EP300: variants seen among roughly 807,000 people sequenced by gnomAD.
EP300 encodes the protein EP300 lysine acetyltransferase.
Under a neutral mutation model 264.0 loss-of-function variants are expected in EP300, and 31 were observed. The observed-to-expected ratio is 0.12, with a 90% CI of 0.09 to 0.16. EP300 has a LOEUF of 0.16. Ranked by LOEUF, EP300 falls within the 10% of genes least tolerant of loss-of-function variation. The pLI, the probability that EP300 is intolerant of heterozygous loss-of-function variation, is 1.00. For synonymous variants in EP300, 1,340 were observed against 1,045.4 expected (o/e 1.28, Z -5.44); for missense variants, 2,766 against 3,052.9 (o/e 0.91, Z 2.21).
chr22:41,118,536 G>A (rs868683739), intron 2 of EP300, among the ~76,000 whole-genome samples: 5 of 152,182 alleles, frequency 3.3e-5, no homozygotes, highest in East Asian at 1.9e-4. Context: ...CATGTAGTTC[G>A]TTTTTGTTGA....
At chr22:41,149,299 A>G in intron 13 of EP300, 124 bp downstream of exon 13, 5 of 1,140,354 alleles carry the variant, frequency 4.4e-6, no homozygotes, top group South Asian at 2.6e-5. Flanking sequence ...AAAAAATAAC[A>G]ATTTTGGACT....
chr22:41,145,826 C>T (rs943220508), intron 10 of EP300, among the ~76,000 whole-genome samples: 2 of 151,592 alleles, frequency 1.3e-5, no homozygotes, highest in Non-Finnish European at 2.9e-5. Flanking sequence ...TTAGTAGAGA[C>T]GGGTTTCACC....
intron 2 of EP300, among the ~76,000 whole-genome samples, chr22:41,124,818 T>G (rs764832235): frequency 6.6e-6 from 1 of 151,866 alleles, no homozygotes; most frequent in Non-Finnish European, 1.5e-5. Flanking sequence ...AAAACATCTT[T>G]ATTTCAAATA....
intron 1 of EP300, among the ~76,000 whole-genome samples, chr22:41,108,855 T>A (rs1484323001): frequency 6.6e-6 from 1 of 152,228 alleles, no homozygotes; most frequent in African/African-American, 2.4e-5. Flanking sequence ...TACTGTTTTT[T>A]AATATTTGCC....
At chr22:41,129,848 A>G (rs2145713233) in intron 4 of EP300, 42 bp from the exon 5 acceptor site, 1 of 1,510,352 alleles carries the variant, frequency 6.6e-7, no homozygotes, top group Non-Finnish European at 9.2e-7. Context: ...TAATGTAAAA[A>G]CATTAACCTG....
chr22:41,143,721 A>G (rs1167308330), intron 10 of EP300, among the ~76,000 whole-genome samples: 1 of 152,036 alleles, frequency 6.6e-6, no homozygotes. Flanking sequence ...AATTACAGGC[A>G]TGCATCACCA....
rs549602394 is a variant in EP300, at chr22:41,122,290, C to T, written c.730-3574C>T. Among the ~76,000 whole-genome samples, 7 of 151,604 alleles carry T rather than the reference C, an allele frequency of 4.6e-5. No individual in the cohort carries two copies. In the East Asian group the frequency reaches 1.4e-3, roughly 29 times the overall value. ...AAGTGATTCTCCTGCCTCAGTCTCC[C>T]GAGTAGGTGGGATTGCAGGTGTGTG... On this transcript the variant is annotated intron_variant, in intron 2 of 30. Coordinates refer to ENST00000263253, the MANE Select transcript of EP300 (RefSeq NM_001429.4).
rs764929476 is a variant in EP300, at chr22:41,166,634, G to A, written c.3842G>A (p.Arg1281Gln). 9 of 1,612,332 alleles carry A rather than the reference G, an allele frequency of 5.6e-6. No homozygotes were observed. Among genetic ancestry groups the A allele is most frequent in the South Asian group, 2.2e-5 (2 of 90,564 alleles). Residue 1281 changes from arginine (R) to glutamine (Q), a missense_variant, in exon 23 of 31, where the codon CGA becomes CAA. Arg to Gln is a conservative substitution (Grantham distance 43). Coordinates refer to ENST00000263253, the MANE Select transcript of EP300 (RefSeq NM_001429.4). ...GATGGCTGTTTAAAGAAAAGTGCAC[G>A]AACTAGGAAAGAAAATAAGTTTTCT... ...VCDGCLKKSA[R>Q]TRKENKFSAK...
chr22:41,158,655 T>C (rs932864341), intron 19 of EP300, 155 bp downstream of exon 19: 4 of 660,370 alleles, frequency 6.1e-6, no homozygotes, highest in Non-Finnish European at 1.1e-5. Flanking sequence ...TGCCTTTGTT[T>C]GCAGAACAAT....
At chr22:41,167,578 G>GTATA (rs2059142725) in intron 23 of EP300, among the ~76,000 whole-genome samples, 2 of 27,674 alleles carry the variant, frequency 7.2e-5, no homozygotes, top group African/African-American at 3.0e-4. Context: ...GTGTGTGTGT[G>GTATA]TGTGTGTATA....
chr22:41,175,589 A>G (rs1374602515), intron 29 of EP300, among the ~76,000 whole-genome samples: 1 of 152,222 alleles, frequency 6.6e-6, no homozygotes, highest in Admixed American at 6.5e-5. Flanking sequence ...GAAAAGTTAC[A>G]CAGGAAAGTT....
intron 27 of EP300, 95 bp from the exon 28 acceptor site, chr22:41,172,404 A>G (rs1468603365): frequency 2.6e-6 from 3 of 1,153,234 alleles, no homozygotes; most frequent in Non-Finnish European, 3.8e-6. Flanking sequence ...AAGACATTTT[A>G]AGCTTTCATG....
chr22:41,172,427 CATG>C, intron 27 of EP300, 69 bp from the exon 28 acceptor site: 1 of 1,328,484 alleles, frequency 7.5e-7, no homozygotes, highest in Non-Finnish European at 1.1e-6. Context: ...TCTTGTCAGC[CATG>C]ATTATTCTGT....
chr22:41,146,870 GATA>G, intron 11 of EP300, 54 bp downstream of exon 11: 2 of 1,469,966 alleles, frequency 1.4e-6, no homozygotes, highest in Non-Finnish European at 1.9e-6. Context: ...TGTACTGCAA[GATA>G]ATACTTGCTA....
At position 41,177,845 on chromosome 22, in the gene EP300, C is replaced by G; in HGVS notation, c.6134C>G (p.Thr2045Ser). The part of the protein sequence containing the change: ...QVGISPLKPG[T>S]VSQQALQNLL... The stretch of plus-strand genomic sequence containing the variant: ...GGTATCAGCCCACTCAAACCAGGCA[C>G]TGTGTCTCAACAAGCCTTACAAAAC... Residue 2045 changes from threonine (T) to serine (S), a missense_variant, in exon 31 of 31, where the codon ACT (threonine) becomes AGT (serine). Transcript: ENST00000263253. The G allele has an allele frequency of 1.2e-6, 2 of 1,614,154 alleles. No homozygotes were observed. Among genetic ancestry groups the G allele is most frequent in the Non-Finnish European group, 1.7e-6 (2 of 1,180,030 alleles).
intron 2 of EP300, among the ~76,000 whole-genome samples, chr22:41,118,454 C>A (rs1471375099): frequency 6.6e-6 from 1 of 152,142 alleles, no homozygotes; most frequent in Non-Finnish European, 1.5e-5. Context: ...GTGCTTATTT[C>A]TTCATATTTT....
At chr22:41,158,534 T>C in intron 19 of EP300, 34 bp downstream of exon 19, 1 of 1,533,872 alleles carries the variant, frequency 6.5e-7, no homozygotes, top group Non-Finnish European at 9.0e-7. Flanking sequence ...ATGGTCCATG[T>C]GTCCACATGT....
chr22:41,141,575 G>A (rs954354895), intron 10 of EP300, among the ~76,000 whole-genome samples: 2 of 152,128 alleles, frequency 1.3e-5, no homozygotes, highest in African/African-American at 4.8e-5. Context: ...TTTGTAGGCT[G>A]ACCAGGTTCA....
intron 8 of EP300, among the ~76,000 whole-genome samples, chr22:41,139,371 A>G (rs1239683953): frequency 6.6e-5 from 10 of 152,230 alleles, no homozygotes; most frequent in Admixed American, 6.5e-4. Context: ...GTGACAGACT[A>G]TTCAGGAACT....
Sources: allele counts gnomAD v4.1 joint callset (sites outside exome capture counted in the v4.1 genomes callset), GRCh38; gene constraint gnomAD v4.1.1; transcripts MANE v1.5; gene names NCBI Gene and HGNC (gene_info 2026-07-23, HGNC 2026-07-21).